The following DAB2IP variants were observed in gnomAD, a reference collection of about 807,000 sequenced individuals.
DAB2IP encodes disabled homolog 2-interacting protein.
In DAB2IP, 28 loss-of-function variants were observed where a neutral mutation model predicts 107.2. The ratio of observed to expected loss-of-function variants is 0.26; its 90% CI spans 0.19 to 0.36. The LOEUF is 0.36. DAB2IP is among the 10% of genes least tolerant of loss of function. DAB2IP has a pLI of 1.00. For synonymous variants in DAB2IP, 755 were observed against 706.4 expected (o/e 1.07, Z -1.09); for missense variants, 1,400 against 1,644.7 (o/e 0.85, Z 2.57).
At chr9:121,703,250 T>A (rs1829877134) in intron 3 of DAB2IP, among the ~76,000 whole-genome samples, 1 of 152,128 alleles carries the variant, frequency 6.6e-6, no homozygotes, top group African/African-American at 2.4e-5. Context: ...TGAGGAAGGT[T>A]GATGAGGAAC....
rs879908401 is a variant in DAB2IP at position 121,727,482 on chromosome 9, A to G, written c.362+28024A>G. 8.5e-5 allele frequency among the ~76,000 whole-genome samples: 13 copies of G among 152,220 alleles called. 1 individual carries two copies. The highest frequency in any genetic ancestry group is 4.1e-4 in the South Asian group (2 of 4,828). On this transcript the variant is annotated intron_variant, in intron 3 of 15. Coordinates refer to ENST00000408936, the Ensembl canonical transcript of DAB2IP. ...TGGGGGTGTGGCAAGGGTGAGGGCAACTGTCTTCACCATAATTGCCAAGGC... is the reference window on the plus strand; with the variant it reads ...TGGGGGTGTGGCAAGGGTGAGGGCAGCTGTCTTCACCATAATTGCCAAGGC...
chr9:121,642,488 C>CTTTTT (rs59223844), intron 1 of DAB2IP, among the ~76,000 whole-genome samples: 1 of 131,182 alleles, frequency 7.6e-6, no homozygotes, highest in Non-Finnish European at 1.6e-5. Context: ...GCTTTTTTTT[C>CTTTTT]TTTTTTTTTT....
intron 2 of DAB2IP, among the ~76,000 whole-genome samples, chr9:121,683,921 T>C (rs1226150842): frequency 3.9e-5 from 6 of 152,054 alleles, no homozygotes; most frequent in African/African-American, 1.5e-4. Context: ...GCTGGATGGG[T>C]TCAGGGCCTG....
At chr9:121,770,413 C>G (rs1029402945) in intron 10 of DAB2IP, 133 bp from the exon 11 acceptor site, 9 of 991,654 alleles carry the variant, frequency 9.1e-6, no homozygotes, top group Non-Finnish European at 1.3e-5. Flanking sequence ...CCCAGTGGCT[C>G]TGACTGGCAG....
chr9:121,728,827 A>G (rs1295403470), intron 3 of DAB2IP, among the ~76,000 whole-genome samples: 1 of 151,098 alleles, frequency 6.6e-6, no homozygotes, highest in African/African-American at 2.4e-5. Flanking sequence ...GGAGGGGGGG[A>G]CAGCCAGGGG....
At chr9:121,775,023 C>G (rs1428735733) in intron 13 of DAB2IP, among the ~76,000 whole-genome samples, 1 of 152,238 alleles carries the variant, frequency 6.6e-6, no homozygotes, top group African/African-American at 2.4e-5. Flanking sequence ...ATGAAACTCT[C>G]ACTCTGCCAC....
At chr9:121,588,187 A>C (rs971756316) in intron 1 of DAB2IP, among the ~76,000 whole-genome samples, 3 of 152,130 alleles carry the variant, frequency 2.0e-5, no homozygotes, top group Non-Finnish European at 2.9e-5. Context: ...AGGGAAAAAA[A>C]GGTCAAGACC....
At chr9:121,742,286 AGGT>A (rs1241332753) in intron 3 of DAB2IP, among the ~76,000 whole-genome samples, 2 of 152,200 alleles carry the variant, frequency 1.3e-5, no homozygotes, top group African/African-American at 4.8e-5. Context: ...AAAATTAGCC[AGGT>A]GTGGTGGCCC....
chr9:121,627,321 A>G (rs1156347248), intron 1 of DAB2IP, among the ~76,000 whole-genome samples: 1 of 151,852 alleles, frequency 6.6e-6, no homozygotes, highest in Non-Finnish European at 1.5e-5. Context: ...AGGAGAGACT[A>G]TAATTTATTC....
At chr9:121,648,705 T>G (rs1832630109), upstream of DAB2IP, among the ~76,000 whole-genome samples, 1 of 152,158 alleles carries the variant, frequency 6.6e-6, no homozygotes, top group Non-Finnish European at 1.5e-5. Flanking sequence ...TGCAGCCCTG[T>G]CCCCGCTAAA....
chr9:121,774,916 C>G (rs1835086878), intron 13 of DAB2IP, among the ~76,000 whole-genome samples: 1 of 152,190 alleles, frequency 6.6e-6, no homozygotes, highest in Admixed American at 6.5e-5. Flanking sequence ...CCACCAGGGC[C>G]TGGGAAAGAA....
At chr9:121,620,764 T>A (rs781336289) in intron 1 of DAB2IP, among the ~76,000 whole-genome samples, 1 of 151,974 alleles carries the variant, frequency 6.6e-6, no homozygotes, top group Non-Finnish European at 1.5e-5. Context: ...CCCTCTGAGG[T>A]CCTAACCCGG....
At chr9:121,754,863 G>A (rs1009823607) in intron 3 of DAB2IP, among the ~76,000 whole-genome samples, 5 of 152,134 alleles carry the variant, frequency 3.3e-5, no homozygotes, top group African/African-American at 4.8e-5. Context: ...CCAGGCAGGA[G>A]GCGGCCTCAG....
chr9:121,587,882 C>T (rs1360167559), intron 1 of DAB2IP, among the ~76,000 whole-genome samples: 2 of 152,072 alleles, frequency 1.3e-5, no homozygotes, highest in Non-Finnish European at 2.9e-5. Flanking sequence ...ATAGGATATA[C>T]TTACACTAAA....
intron 1 of DAB2IP, among the ~76,000 whole-genome samples, chr9:121,631,208 G>A (rs1376212546): frequency 1.3e-5 from 2 of 152,228 alleles, no homozygotes; most frequent in African/African-American, 4.8e-5. Flanking sequence ...GCGGGAGGGG[G>A]CAAGGCACAC....
intron 14 of DAB2IP, among the ~76,000 whole-genome samples, chr9:121,777,775 T>C (rs912024175): frequency 6.6e-6 from 1 of 152,136 alleles, no homozygotes; most frequent in Admixed American, 6.5e-5. Context: ...TTCCAACTGG[T>C]TTTTGCTTTA....
chr9:121,601,461 A>G (rs1254418781), intron 1 of DAB2IP, among the ~76,000 whole-genome samples: 1 of 152,192 alleles, frequency 6.6e-6, no homozygotes, highest in Non-Finnish European at 1.5e-5. Context: ...TTTGGGACAG[A>G]AATCTTTGTC....
intron 6 of DAB2IP, among the ~76,000 whole-genome samples, chr9:121,763,276 G>A (rs879490135): frequency 6.6e-6 from 1 of 152,162 alleles, no homozygotes; most frequent in African/African-American, 2.4e-5. Context: ...CCATAGACCC[G>A]GCTCTACTGT....
intron 3 of DAB2IP, among the ~76,000 whole-genome samples, chr9:121,725,466 C>T (rs60846597): frequency 0.041 from 6,223 of 152,254 alleles, 254 homozygotes; most frequent in African/African-American, 0.095. Flanking sequence ...CTGGGGTACC[C>T]AGTGCAGCAA....
Sources: allele counts gnomAD v4.1 joint callset (sites outside exome capture counted in the v4.1 genomes callset), GRCh38; gene constraint gnomAD v4.1.1; transcripts MANE v1.5; gene names NCBI Gene and HGNC (gene_info 2026-07-23, HGNC 2026-07-21).